Variants in ATP7B observed in about 807,000 individuals in gnomAD.
ATP7B encodes the protein copper-transporting ATPase 2.
ATP7B carries 113 observed loss-of-function variants against 118.9 expected under a neutral mutation model. The observed-to-expected ratio is 0.95, with a 90% CI of 0.82 to 1.11. The LOEUF (loss-of-function observed/expected upper bound fraction) is 1.11, where lower values mean the gene tolerates loss of function less well. ATP7B is among the 50% of genes most tolerant of loss of function. The probability of loss-of-function intolerance (pLI) is 0.00; values close to 1 mark genes in which losing one functional copy is unlikely to be tolerated. For synonymous variants in ATP7B, 777 were observed against 727.4 expected (o/e 1.07, Z -1.10); for missense variants, 1,867 against 1,871.4 (o/e 1.00, Z 0.04).
At position 51,968,630 on chromosome 13, in the gene ATP7B, G is replaced by GTA. The variant is rs769723187; in HGVS notation, c.1544-25_1544-24dup. On this transcript the variant is annotated intron_variant, in intron 3 of 20. Transcript: ENST00000242839. ...CACCTGGAACCATCAGGTCATGGCTGTAACACTCTGGGTGGGCAGGGCCTC... is the reference window on the plus strand; with the variant it reads ...CACCTGGAACCATCAGGTCATGGCTGTATAACACTCTGGGTGGGCAGGGCCTC... The GTA allele has an allele frequency of 1.9e-5, 31 of 1,613,718 alleles. No individual in the cohort carries two copies. The Admixed American group carries it at 4.5e-4, about 23-fold the overall frequency.
intron 4 of ATP7B, among the ~76,000 whole-genome samples, chr13:51,965,652 C>T (rs533966500): frequency 3.3e-5 from 5 of 152,254 alleles, no homozygotes; most frequent in South Asian, 4.1e-4. Context: ...TCGAAAAAGA[C>T]GACAGGCAGG....
chr13:51,939,731 GA>G, intron 16 of ATP7B, among the ~76,000 whole-genome samples: 1 of 152,284 alleles, frequency 6.6e-6, no homozygotes, highest in Middle Eastern at 3.4e-3. Flanking sequence ...TGACATACGA[GA>G]GGGCACGACT....
At chr13:51,988,621 G>A (rs1952770439) in intron 1 of ATP7B, among the ~76,000 whole-genome samples, 1 of 152,046 alleles carries the variant, frequency 6.6e-6, no homozygotes, top group Non-Finnish European at 1.5e-5. Flanking sequence ...GTTTATTGTG[G>A]CACTACTCAC....
At chr13:52,008,994 C>A (rs1307971187) in intron 1 of ATP7B, among the ~76,000 whole-genome samples, 3 of 152,206 alleles carry the variant, frequency 2.0e-5, no homozygotes, top group Non-Finnish European at 4.4e-5. Context: ...CCTGCCTCAG[C>A]CTCCCGAGTA....
At chr13:51,948,474 A>C (rs1291560665) in intron 12 of ATP7B, among the ~76,000 whole-genome samples, 2 of 152,190 alleles carry the variant, frequency 1.3e-5, no homozygotes, top group South Asian at 4.1e-4. Context: ...GAATAAGATA[A>C]GGTAAAAACA....
At chr13:52,006,558 T>C (rs533965628) in intron 1 of ATP7B, among the ~76,000 whole-genome samples, 39 of 152,274 alleles carry the variant, frequency 2.6e-4, no homozygotes, top group African/African-American at 8.9e-4. Context: ...GGGACGATCA[T>C]TTCCAACAGT....
chr13:51,968,222 T>C (rs1181452491), intron 4 of ATP7B, among the ~76,000 whole-genome samples: 1 of 152,178 alleles, frequency 6.6e-6, no homozygotes, highest in Non-Finnish European at 1.5e-5. Flanking sequence ...CCCTGAATAC[T>C]CTCAGTGGGA....
chr13:52,001,143 TG>T, intron 1 of ATP7B, among the ~76,000 whole-genome samples: 1 of 152,342 alleles, frequency 6.6e-6, no homozygotes, highest in Non-Finnish European at 1.5e-5. Flanking sequence ...CAGCATCTAA[TG>T]ACTTCAACAC....
At chr13:51,999,245 T>C (rs776155679) in intron 1 of ATP7B, among the ~76,000 whole-genome samples, 7 of 152,156 alleles carry the variant, frequency 4.6e-5, no homozygotes, top group Non-Finnish European at 8.8e-5. Context: ...CAAAGAGCAG[T>C]ATTCAAAGTC....
At position 51,958,537 on chromosome 13, in the gene ATP7B, C is replaced by A; in HGVS notation, c.2129G>T (p.Gly710Val). The A allele has an allele frequency of 6.2e-7, 1 of 1,614,072 alleles. No individual in the cohort carries two copies. Among genetic ancestry groups the A allele is most frequent in the Non-Finnish European group, 8.5e-7 (1 of 1,179,946 alleles). The change falls in exon 8 of 21, where the codon GGT becomes GTT. Residue 710 changes from glycine to valine, a missense_variant. Coordinates refer to ENST00000242839, the MANE Select transcript of ATP7B (RefSeq NM_000053.4). ...GGCCTGAACGTAGAAGTACCACCCACCGAGGAGCTGAAAGACAAGGACAGT... is the reference window on the plus strand; with the variant it reads ...GGCCTGAACGTAGAAGTACCACCCAACGAGGAGCTGAAAGACAAGGACAGT... ...FILCTFVQLL[G>V]GWYFYVQAYK... is the part of the protein sequence containing the mutation.
At chr13:52,003,626 T>TAA (rs35755652) in intron 1 of ATP7B, among the ~76,000 whole-genome samples, 65,556 of 148,382 alleles carry the variant, frequency 0.44, 16,224 homozygotes, top group Non-Finnish European at 0.57. Context: ...CTTCAACTGG[T>TAA]AAAAAAAAAA....
rs763953905 is a variant in ATP7B at position 51,949,737 on chromosome 13, G to T, written c.2790C>A (p.Ile930=). The T allele has an allele frequency of 3.7e-6, 6 of 1,614,112 alleles. No individual in the cohort carries two copies. The highest frequency in any genetic ancestry group is 1.6e-4 in the Middle Eastern group (1 of 6,062). ...FSGYFVPFII[I]MSTLTLVVWI... ...ATACCACCAACGTCAAAGTTGACAT[G>T]ATGATGATAAATGGGACAAAATATC... is the stretch of plus-strand genomic sequence containing the variant. Residue 930 remains isoleucine (I), a synonymous_variant, in exon 12 of 21, where the codon ATC becomes ATA. Transcript: ENST00000242839.
chr13:51,959,270 C>T (rs1282279368), intron 7 of ATP7B: 1 of 152,912 alleles, frequency 6.5e-6, no homozygotes, highest in Non-Finnish European at 1.5e-5. Flanking sequence ...TGGCTCACAC[C>T]TGTCATCTCA....
At chr13:51,989,009 A>G (rs1021924959) in intron 1 of ATP7B, among the ~76,000 whole-genome samples, 6 of 152,158 alleles carry the variant, frequency 3.9e-5, no homozygotes, top group African/African-American at 1.4e-4. Context: ...TATCTATGTA[A>G]CAAACCTGCA....
chr13:51,980,559 T>A (rs1181411669), intron 1 of ATP7B, among the ~76,000 whole-genome samples: 1 of 152,256 alleles, frequency 6.6e-6, no homozygotes, highest in Non-Finnish European at 1.5e-5. Flanking sequence ...GGATAAGCCA[T>A]TCTGATATGA....
intron 1 of ATP7B, among the ~76,000 whole-genome samples, chr13:51,996,610 C>T (rs1165767895): frequency 1.3e-5 from 2 of 152,220 alleles, no homozygotes; most frequent in Non-Finnish European, 2.9e-5. Context: ...ACTCAGAACA[C>T]ATGCCCAAGG....
intron 5 of ATP7B, among the ~76,000 whole-genome samples, chr13:51,962,831 C>T (rs1958838219): frequency 6.6e-6 from 1 of 152,134 alleles, no homozygotes; most frequent in Admixed American, 6.5e-5. Context: ...GTGGCTCACA[C>T]CTGTAATCCC....
intron 17 of ATP7B, among the ~76,000 whole-genome samples, chr13:51,938,769 A>AC (rs1284179645): frequency 6.6e-6 from 1 of 152,158 alleles, no homozygotes; most frequent in Admixed American, 6.5e-5. Flanking sequence ...TAGGTCACAT[A>AC]CTTTTTTTTC....
chr13:51,972,247 C>T (rs76926545), intron 2 of ATP7B, among the ~76,000 whole-genome samples: 4,122 of 152,260 alleles, frequency 0.027, 159 homozygotes, highest in African/African-American at 0.094. Flanking sequence ...AAGCAGCTGC[C>T]GAGGCCTCCA....
Sources: allele counts gnomAD v4.1 joint callset (sites outside exome capture counted in the v4.1 genomes callset), GRCh38; gene constraint gnomAD v4.1.1; transcripts MANE v1.5; gene names NCBI Gene and HGNC (gene_info 2026-07-23, HGNC 2026-07-21).